Variants in LRRC4C observed in about 807,000 individuals in gnomAD.
LRRC4C encodes leucine-rich repeat-containing protein 4C.
In LRRC4C, 5 loss-of-function variants were observed where a neutral mutation model predicts 33.6. The observed-to-expected ratio is 0.15, with a 90% confidence interval of 0.08 to 0.31. The LOEUF (loss-of-function observed/expected upper bound fraction) is 0.31, where lower values mean the gene tolerates loss of function less well. Ranked by LOEUF, LRRC4C falls within the 10% of genes least tolerant of loss-of-function variation. LRRC4C has a pLI of 1.00. For synonymous variants in LRRC4C, 329 were observed against 302.0 expected (o/e 1.09, Z -0.93); for missense variants, 560 against 796.7 (o/e 0.70, Z 3.58).
At chr11:41,031,278 C>A (rs933626269) in intron 1 of LRRC4C, among the ~76,000 whole-genome samples, 3 of 151,948 alleles carry the variant, frequency 2.0e-5, no homozygotes, top group African/African-American at 7.2e-5. Flanking sequence ...TACCATTCTG[C>A]TTCCTATCTG....
chr11:40,937,897 T>C (rs1159060564), intron 1 of LRRC4C, among the ~76,000 whole-genome samples: 2 of 152,052 alleles, frequency 1.3e-5, no homozygotes, highest in East Asian at 3.9e-4. Context: ...GTTCAAGTGA[T>C]CCTTCTGCCT....
intron 2 of LRRC4C, among the ~76,000 whole-genome samples, chr11:40,927,191 T>C (rs1957439204): frequency 6.6e-6 from 1 of 151,904 alleles, no homozygotes; most frequent in African/African-American, 2.4e-5. Flanking sequence ...CTGGCCAACA[T>C]GATGAAACCC....
At chr11:41,007,934 T>A (rs1021289241) in intron 1 of LRRC4C, among the ~76,000 whole-genome samples, 1 of 152,154 alleles carries the variant, frequency 6.6e-6, no homozygotes, top group Non-Finnish European at 1.5e-5. Context: ...GCACTATCCA[T>A]CTTGTTACTT....
At chr11:41,176,313 A>G (rs1426825064) in intron 1 of LRRC4C, among the ~76,000 whole-genome samples, 3 of 152,230 alleles carry the variant, frequency 2.0e-5, no homozygotes, top group Non-Finnish European at 4.4e-5. Flanking sequence ...CTAAGTCTTT[A>G]TAAGAAGATA....
chr11:40,284,370 G>T (rs576977832), intron 4 of LRRC4C, among the ~76,000 whole-genome samples: 10 of 152,102 alleles, frequency 6.6e-5, no homozygotes, highest in Non-Finnish European at 4.4e-5. Flanking sequence ...CATATTTCAA[G>T]AATATAAAGA....
At chr11:41,431,936 T>C (rs1435785700) in intron 1 of LRRC4C, among the ~76,000 whole-genome samples, 3 of 152,112 alleles carry the variant, frequency 2.0e-5, no homozygotes, top group Non-Finnish European at 4.4e-5. Context: ...AGACATCTAG[T>C]GGTCAGGTCT....
At chr11:40,981,375 C>G (rs1346729394) in intron 1 of LRRC4C, among the ~76,000 whole-genome samples, 3 of 151,500 alleles carry the variant, frequency 2.0e-5, no homozygotes, top group Non-Finnish European at 1.5e-5. Flanking sequence ...GATCACGCCA[C>G]TGCATTCCAG....
intron 1 of LRRC4C, among the ~76,000 whole-genome samples, chr11:41,371,083 T>C (rs1306060968): frequency 1.3e-5 from 2 of 152,190 alleles, no homozygotes; most frequent in Admixed American, 6.5e-5. Context: ...CTATTTCTGC[T>C]GAAATATTGT....
At chr11:40,985,367 A>AG (rs777734366) in intron 1 of LRRC4C, among the ~76,000 whole-genome samples, 2 of 139,202 alleles carry the variant, frequency 1.4e-5, no homozygotes, top group South Asian at 4.4e-4. Flanking sequence ...TTCAGTTAAT[A>AG]GGGGGGGAAA....
chr11:41,211,511 G>T (rs1354586095), intron 1 of LRRC4C, among the ~76,000 whole-genome samples: 1 of 151,812 alleles, frequency 6.6e-6, no homozygotes, highest in Non-Finnish European at 1.5e-5. Context: ...CCCAGTGTGT[G>T]ATGTTCCCCT....
intron 2 of LRRC4C, among the ~76,000 whole-genome samples, chr11:40,912,271 A>G (rs1192906937): frequency 6.6e-6 from 1 of 152,146 alleles, no homozygotes; most frequent in African/African-American, 2.4e-5. Flanking sequence ...GAAATGAAGG[A>G]AAAAATGTTA....
chr11:40,952,562 G>A (rs1302175608), intron 1 of LRRC4C, among the ~76,000 whole-genome samples: 3 of 151,828 alleles, frequency 2.0e-5, no homozygotes, highest in Non-Finnish European at 2.9e-5. Flanking sequence ...TTTCAGCAAT[G>A]CAAATGTAAA....
chr11:40,575,187 G>T (rs751307270), intron 3 of LRRC4C, among the ~76,000 whole-genome samples: 8 of 152,116 alleles, frequency 5.3e-5, no homozygotes, highest in Non-Finnish European at 7.3e-5. Flanking sequence ...GCTCATGAAT[G>T]CATGTGAGTG....
intron 3 of LRRC4C, among the ~76,000 whole-genome samples, chr11:40,489,234 T>C (rs1954022788): frequency 6.6e-6 from 1 of 152,122 alleles, no homozygotes; most frequent in African/African-American, 2.4e-5. Flanking sequence ...GTTTTACTTA[T>C]TTTAAAGTCC....
At chr11:40,121,149 G>A (rs772662180) in intron 6 of LRRC4C, among the ~76,000 whole-genome samples, 2 of 151,964 alleles carry the variant, frequency 1.3e-5, no homozygotes, top group African/African-American at 4.8e-5. Context: ...TGATATAATC[G>A]GGAACATACT....
At chr11:40,949,168 T>C (rs1958571551) in intron 1 of LRRC4C, among the ~76,000 whole-genome samples, 1 of 152,172 alleles carries the variant, frequency 6.6e-6, no homozygotes, top group African/African-American at 2.4e-5. Flanking sequence ...AATGTCTTCT[T>C]TTGAGAAGTG....
intron 1 of LRRC4C, among the ~76,000 whole-genome samples, chr11:40,937,063 C>T (rs1957934326): frequency 1.3e-5 from 2 of 152,070 alleles, no homozygotes; most frequent in African/African-American, 4.8e-5. Flanking sequence ...TGGAATCAAC[C>T]CAGGTTTCCA....
At chr11:40,825,346 A>G (rs1441722214) in intron 2 of LRRC4C, among the ~76,000 whole-genome samples, 2 of 151,886 alleles carry the variant, frequency 1.3e-5, no homozygotes, top group East Asian at 1.9e-4. Flanking sequence ...CCTCTCTTAA[A>G]GGAGACTGCC....
intron 5 of LRRC4C, among the ~76,000 whole-genome samples, chr11:40,167,386 T>G (rs898326179): frequency 6.6e-6 from 1 of 152,180 alleles, no homozygotes; most frequent in Non-Finnish European, 1.5e-5. Flanking sequence ...TAGCTATATT[T>G]ATACCCCTTG....
Sources: allele counts gnomAD v4.1 joint callset (sites outside exome capture counted in the v4.1 genomes callset), GRCh38; gene constraint gnomAD v4.1.1; transcripts MANE v1.5; gene names NCBI Gene and HGNC (gene_info 2026-07-23, HGNC 2026-07-21).